Variants in NFIA observed in about 807,000 individuals in gnomAD.
NFIA encodes the protein nuclear factor I A.
NFIA carries 8 observed loss-of-function variants against 62.8 expected under a neutral mutation model. The observed-to-expected ratio is 0.13, with a 90% CI of 0.07 to 0.23. The LOEUF (loss-of-function observed/expected upper bound fraction) is 0.23. NFIA is among the 10% of genes least tolerant of loss of function. The probability of loss-of-function intolerance (pLI) is 1.00; values close to 1 mark genes in which losing one functional copy is unlikely to be tolerated. For missense variants in NFIA, 410 were observed against 642.1 expected (o/e 0.64, Z 3.91); for synonymous variants, 235 against 238.1 (o/e 0.99, Z 0.12).
At chr1:61,405,808 G>A (rs1665787655) in intron 8 of NFIA, among the ~76,000 whole-genome samples, 1 of 152,082 alleles carries the variant, frequency 6.6e-6, no homozygotes, top group Admixed American at 6.5e-5. Context: ...CTTTGGAGGG[G>A]AATTTTTTGT....
At chr1:61,394,484 C>T (rs1027050599) in intron 7 of NFIA, among the ~76,000 whole-genome samples, 2 of 152,078 alleles carry the variant, frequency 1.3e-5, no homozygotes, top group African/African-American at 2.4e-5. Flanking sequence ...ATTGCTGCTA[C>T]TATTTAAAGA....
At chr1:61,299,705 T>C (rs942011132) in intron 3 of NFIA, among the ~76,000 whole-genome samples, 11 of 152,168 alleles carry the variant, frequency 7.2e-5, no homozygotes, top group African/African-American at 2.7e-4. Context: ...ACGCTGTACT[T>C]ATAAGCTGTT....
chr1:61,261,410 T>C, intron 2 of NFIA, among the ~76,000 whole-genome samples: 1 of 152,204 alleles, frequency 6.6e-6, no homozygotes, highest in Non-Finnish European at 1.5e-5. Flanking sequence ...TTTAACACTT[T>C]AATATAAAAG....
At chr1:61,199,256 A>G (rs1033075075) in intron 2 of NFIA, among the ~76,000 whole-genome samples, 2 of 152,222 alleles carry the variant, frequency 1.3e-5, no homozygotes, top group African/African-American at 2.4e-5. Context: ...CTTGGAAAAC[A>G]GTAACAACAA....
chr1:61,377,113 C>T (rs1664186437), intron 6 of NFIA, among the ~76,000 whole-genome samples: 3 of 151,838 alleles, frequency 2.0e-5, no homozygotes, highest in South Asian at 4.2e-4. Context: ...GACCCAGCTA[C>T]TCAGGAGGCT....
chr1:61,241,873 C>T (rs900594344), intron 2 of NFIA, among the ~76,000 whole-genome samples: 4 of 151,940 alleles, frequency 2.6e-5, no homozygotes, highest in Non-Finnish European at 5.9e-5. Context: ...ATTTTCTTTA[C>T]CTTATCTAAT....
At chr1:61,130,526 G>A (rs1382727584) in intron 2 of NFIA, among the ~76,000 whole-genome samples, 1 of 152,218 alleles carries the variant, frequency 6.6e-6, no homozygotes, top group Non-Finnish European at 1.5e-5. Flanking sequence ...ACATGCATCA[G>A]TGATGCATAA....
chr1:61,206,792 T>A (rs1354119077), intron 2 of NFIA, among the ~76,000 whole-genome samples: 1 of 152,186 alleles, frequency 6.6e-6, no homozygotes, highest in Non-Finnish European at 1.5e-5. Context: ...GAATTGTTAT[T>A]TTCTGCTCAA....
intron 3 of NFIA, among the ~76,000 whole-genome samples, chr1:61,328,763 C>T (rs1490744728): frequency 2.9e-5 from 4 of 135,836 alleles, no homozygotes; most frequent in Non-Finnish European, 6.2e-5. Context: ...TGCTCTGTCA[C>T]CCAGGCTGGA....
At chr1:61,109,640 G>T (rs1646662502) in intron 2 of NFIA, among the ~76,000 whole-genome samples, 1 of 151,800 alleles carries the variant, frequency 6.6e-6, no homozygotes, top group Non-Finnish European at 1.5e-5. Flanking sequence ...GATAGTGCTA[G>T]AATACATAAT....
At chr1:61,333,266 A>G (rs1661406689) in intron 4 of NFIA, among the ~76,000 whole-genome samples, 4 of 152,200 alleles carry the variant, frequency 2.6e-5, no homozygotes, top group South Asian at 4.1e-4. Context: ...TAAAATTTAC[A>G]TGGTTAAAAT....
At chr1:61,123,639 C>G (rs1229530445) in intron 2 of NFIA, among the ~76,000 whole-genome samples, 1 of 152,152 alleles carries the variant, frequency 6.6e-6, no homozygotes, top group East Asian at 1.9e-4. Context: ...CATGCTTCCT[C>G]TTATGACTCT....
chr1:61,389,033 G>C (rs1169023582), intron 7 of NFIA, among the ~76,000 whole-genome samples: 4 of 152,124 alleles, frequency 2.6e-5, no homozygotes, highest in Admixed American at 6.5e-5. Flanking sequence ...AGGATTGCTT[G>C]AGCCCAGGAA....
intron 4 of NFIA, among the ~76,000 whole-genome samples, chr1:61,334,533 A>ATGTGTGTGTGTGTGTGTGTGTG (rs1176399144): frequency 6.7e-4 from 6 of 8,900 alleles, no homozygotes; most frequent in Non-Finnish European, 1.2e-3. Flanking sequence ...GTGTGTGTAT[A>ATGTGTGTGTGTGTGTGTGTGTG]TATGTGTGTG....
intron 2 of NFIA, among the ~76,000 whole-genome samples, chr1:61,131,001 T>C (rs750716343): frequency 3.3e-5 from 5 of 152,144 alleles, no homozygotes; most frequent in Non-Finnish European, 7.4e-5. Context: ...TCTTCCTTGT[T>C]CCTAATTTCA....
chr1:61,196,107 A>G (rs1466355556), intron 2 of NFIA, among the ~76,000 whole-genome samples: 1 of 152,200 alleles, frequency 6.6e-6, no homozygotes, highest in Non-Finnish European at 1.5e-5. Flanking sequence ...TTTGCTTTGT[A>G]GGTATGTTTG....
chr1:61,421,856 T>G (rs1271986861), intron 9 of NFIA, among the ~76,000 whole-genome samples: 1 of 152,252 alleles, frequency 6.6e-6, no homozygotes, highest in Non-Finnish European at 1.5e-5. Context: ...GATTGCTAAA[T>G]TTGAACTAAA....
intron 3 of NFIA, among the ~76,000 whole-genome samples, chr1:61,281,469 T>C (rs1467733639): frequency 6.6e-6 from 1 of 152,182 alleles, no homozygotes; most frequent in African/African-American, 2.4e-5. Flanking sequence ...GTCAGAAATA[T>C]ACCAAGACTT....
intron 3 of NFIA, among the ~76,000 whole-genome samples, chr1:61,310,904 C>T (rs1660072574): frequency 6.6e-6 from 1 of 152,086 alleles, no homozygotes; most frequent in Non-Finnish European, 1.5e-5. Flanking sequence ...GGTGAGCCCA[C>T]TGTGTGCTCT....
Sources: allele counts gnomAD v4.1 joint callset (sites outside exome capture counted in the v4.1 genomes callset), GRCh38; gene constraint gnomAD v4.1.1; transcripts MANE v1.5; gene names NCBI Gene and HGNC (gene_info 2026-07-23, HGNC 2026-07-21).